The following RCAN2 variants were observed in gnomAD, a reference collection of about 807,000 sequenced individuals.
The protein encoded by RCAN2 is calcipressin-2.
RCAN2 carries 9 observed loss-of-function variants against 23.6 expected under a neutral mutation model. That is an observed-to-expected ratio of 0.38 (90% CI 0.23 to 0.67). The LOEUF is 0.67. Ranked by LOEUF, RCAN2 falls within the 30% of genes least tolerant of loss-of-function variation. RCAN2 has a pLI of 0.51. For synonymous variants in RCAN2, 109 were observed against 115.7 expected (o/e 0.94, Z 0.37); for missense variants, 273 against 302.3 (o/e 0.90, Z 0.72).
chr6:46,235,389 T>G (rs1766055396), intron 4 of RCAN2, among the ~76,000 whole-genome samples: 1 of 152,168 alleles, frequency 6.6e-6, no homozygotes, highest in Non-Finnish European at 1.5e-5. Context: ...AGGCCAAGCT[T>G]TGCTCTGCTC....
At chr6:46,430,223 A>G (rs1244104270) in intron 2 of RCAN2, among the ~76,000 whole-genome samples, 2 of 152,210 alleles carry the variant, frequency 1.3e-5, no homozygotes, top group African/African-American at 4.8e-5. Flanking sequence ...TGAAGCTTGG[A>G]GCAGGGATAA....
intron 2 of RCAN2, among the ~76,000 whole-genome samples, chr6:46,319,329 C>T (rs1245376997): frequency 6.6e-6 from 1 of 152,206 alleles, no homozygotes; most frequent in East Asian, 1.9e-4. Context: ...AACAGAATCA[C>T]TAAGACTGCA....
At chr6:46,469,980 G>T (rs901707273) in intron 1 of RCAN2, among the ~76,000 whole-genome samples, 1 of 152,118 alleles carries the variant, frequency 6.6e-6, no homozygotes, top group Non-Finnish European at 1.5e-5. Context: ...ACCGAACCTC[G>T]ATCTTGGACT....
chr6:46,346,876 AATTT>A (rs1427486492), intron 2 of RCAN2, among the ~76,000 whole-genome samples: 1 of 151,368 alleles, frequency 6.6e-6, no homozygotes, highest in Non-Finnish European at 1.5e-5. Context: ...TATTTTAATT[AATTT>A]ATTTATTTAT....
intron 2 of RCAN2, chr6:46,325,536 G>C (rs1763767730): frequency 6.2e-7 from 1 of 1,607,284 alleles, no homozygotes; most frequent in Admixed American, 1.7e-5. Context: ...GGAGTGAAGG[G>C]AAGAGCTTCC....
chr6:46,391,222 A>G (rs1313340958), intron 2 of RCAN2, among the ~76,000 whole-genome samples: 1 of 152,224 alleles, frequency 6.6e-6, no homozygotes, highest in Non-Finnish European at 1.5e-5. Flanking sequence ...CTATGCAGCC[A>G]TAAAAAAGGA....
intron 4 of RCAN2, among the ~76,000 whole-genome samples, chr6:46,226,133 C>G (rs1765656416): frequency 6.6e-6 from 1 of 152,070 alleles, no homozygotes; most frequent in Non-Finnish European, 1.5e-5. Context: ...CTGTTCTGTT[C>G]CATTGGTCTA....
At chr6:46,274,156 G>T (rs1767613568) in intron 2 of RCAN2, among the ~76,000 whole-genome samples, 1 of 152,166 alleles carries the variant, frequency 6.6e-6, no homozygotes, top group Non-Finnish European at 1.5e-5. Context: ...AAGACAAGAA[G>T]GTATTCAACC....
intron 4 of RCAN2, among the ~76,000 whole-genome samples, chr6:46,226,168 G>A (rs543682970): frequency 1.6e-4 from 24 of 152,176 alleles, no homozygotes; most frequent in African/African-American, 2.4e-4. Flanking sequence ...TACCAGTACC[G>A]TGCTATTTTG....
At position 46,325,737 on chromosome 6, in the gene RCAN2, T is replaced by C. The variant is rs1763776269; in HGVS notation, c.226-76841A>G. 2.3e-6 allele frequency: 3 copies of C among 1,281,748 alleles called. No homozygotes were observed. In the Admixed American group the frequency reaches 1.1e-4, roughly 47 times the overall value. 79.4% of individuals were successfully genotyped at this position (1,281,748 alleles called of 1,614,324 possible). A position where few individuals can be genotyped will look rare whatever the true frequency, so the allele number is the denominator to read the frequency against. The stretch of plus-strand genomic sequence containing the variant: ...AGACTGACACAAGCTGAAGCTATTT[T>C]TTTTTCTCCAAGCCTTTTATCTCTA... On this transcript the variant is annotated intron_variant, in intron 2 of 4. Coordinates refer to ENST00000371374, the MANE Select transcript of RCAN2 (RefSeq NM_001251974.2).
At chr6:46,350,473 A>G (rs149713903) in intron 2 of RCAN2, among the ~76,000 whole-genome samples, 1 of 152,280 alleles carries the variant, frequency 6.6e-6, no homozygotes, top group Non-Finnish European at 1.5e-5. Context: ...AACCCCAATA[A>G]CTGCATCATG....
intron 2 of RCAN2, among the ~76,000 whole-genome samples, chr6:46,405,799 G>A (rs1261434879): frequency 6.6e-6 from 1 of 152,232 alleles, no homozygotes; most frequent in Non-Finnish European, 1.5e-5. Context: ...CATGGGACTG[G>A]GCGCCGTGGA....
chr6:46,232,324 T>C (rs1765924908), intron 4 of RCAN2, among the ~76,000 whole-genome samples: 1 of 152,196 alleles, frequency 6.6e-6, no homozygotes. Context: ...TTTTAATCCA[T>C]GTCCCCGGGT....
intron 2 of RCAN2, among the ~76,000 whole-genome samples, chr6:46,358,076 G>A (rs1036166453): frequency 4.6e-5 from 7 of 152,024 alleles, no homozygotes; most frequent in African/African-American, 1.2e-4. Flanking sequence ...AGGTACAGAC[G>A]GAAAATTCAA....
At chr6:46,372,585 GC>G (rs1250645654) in intron 2 of RCAN2, among the ~76,000 whole-genome samples, 2 of 152,124 alleles carry the variant, frequency 1.3e-5, no homozygotes, top group African/African-American at 2.4e-5. Context: ...CTTTTCCTAG[GC>G]AATATCTCTA....
intron 3 of RCAN2, among the ~76,000 whole-genome samples, chr6:46,247,835 G>A (rs1365811008): frequency 6.6e-6 from 1 of 152,102 alleles, no homozygotes; most frequent in Non-Finnish European, 1.5e-5. Context: ...ATTTTTTTGA[G>A]TACCTGTTTT....
chr6:46,309,735 T>A (rs1202202010), intron 2 of RCAN2, among the ~76,000 whole-genome samples: 1 of 152,194 alleles, frequency 6.6e-6, no homozygotes, highest in African/African-American at 2.4e-5. Context: ...TGGTGGTCTG[T>A]GGGAAGGGAC....
rs541971250 is a variant in RCAN2 at position 46,430,288 on chromosome 6, T to G, written c.225+26464A>C. ...AGGACGTAACATCATCAGGATTAGC[T>G]ACAGAATGATTGGGTGAGGGAGAAG... On this transcript the variant is annotated intron_variant, in intron 2 of 4. Coordinates refer to ENST00000371374, the MANE Select transcript of RCAN2 (RefSeq NM_001251974.2). Among the ~76,000 whole-genome samples, 3 of 152,188 alleles carry G rather than the reference T, an allele frequency of 2.0e-5. No homozygotes were observed. The South Asian group carries it at 6.2e-4, about 32-fold the overall frequency.
intron 3 of RCAN2, 44 bp downstream of exon 3, chr6:46,248,678 AT>A: frequency 4.1e-6 from 6 of 1,461,970 alleles, no homozygotes; most frequent in Non-Finnish European, 5.5e-6. Flanking sequence ...ATGGTAAAAA[AT>A]AATGTAGGGC....
Sources: gnomAD v4.1 joint callset for allele counts (sites outside exome capture counted in the v4.1 genomes callset) on GRCh38, gnomAD v4.1.1 for gene constraint, MANE v1.5 for transcripts, NCBI Gene and HGNC (gene_info 2026-07-23, HGNC 2026-07-21) for gene names.